CSPP1: variants seen among roughly 807,000 people sequenced by gnomAD.
The protein encoded by CSPP1 is centrosome and spindle pole-associated protein 1.
CSPP1 carries 126 observed loss-of-function variants against 164.4 expected under a neutral mutation model. The ratio of observed to expected loss-of-function variants is 0.77; its 90% CI spans 0.66 to 0.89. CSPP1 has a LOEUF of 0.89. Among genes scored for constraint, CSPP1 ranks in the 40% least tolerant of loss-of-function variants. CSPP1 has a pLI of 0.00. For synonymous variants in CSPP1, 472 were observed against 476.7 expected (o/e 0.99, Z 0.13); for missense variants, 1,395 against 1,449.8 (o/e 0.96, Z 0.61).
intron 21 of CSPP1, among the ~76,000 whole-genome samples, chr8:67,159,915 T>TTC (rs1827677332): frequency 3.1e-5 from 2 of 64,350 alleles, no homozygotes; most frequent in Non-Finnish European, 6.0e-5. Flanking sequence ...TTTCTTTCTT[T>TTC]CTTTCTTTCC....
At chr8:67,093,404 C>T in intron 5 of CSPP1, 139 bp from the exon 6 acceptor site, 2 of 578,368 alleles carry the variant, frequency 3.5e-6, no homozygotes, top group Non-Finnish European at 6.1e-6. Context: ...GACATCTGTC[C>T]TTGAAATTAT....
chr8:67,086,323 C>T, intron 4 of CSPP1: 1 of 599,890 alleles, frequency 1.7e-6, no homozygotes, highest in Non-Finnish European at 3.1e-6. Context: ...GACTTTTGAC[C>T]TTTTGACTAA....
intron 21 of CSPP1, among the ~76,000 whole-genome samples, chr8:67,159,856 CTTTCTTTCTTTCTTTCTTTCTTTCTT>C (rs1827506731): frequency 9.5e-5 from 2 of 21,092 alleles, no homozygotes. Context: ...CTTTCTTTTT[CTTTCTTTCTTTCTTTCTTTCTTTCTT>C]TCTTTCTTTC....
At chr8:67,143,165 A>G (rs576980584) in intron 17 of CSPP1, among the ~76,000 whole-genome samples, 1 of 151,992 alleles carries the variant, frequency 6.6e-6, no homozygotes, top group Admixed American at 6.5e-5. Context: ...GTCTCCTCCA[A>G]TCTGTGAAAT....
At chr8:67,144,308 T>G (rs1276422815) in intron 17 of CSPP1, among the ~76,000 whole-genome samples, 1 of 152,234 alleles carries the variant, frequency 6.6e-6, no homozygotes, top group African/African-American at 2.4e-5. Context: ...GTTGTAGAAT[T>G]TGATTTGCTA....
intron 29 of CSPP1, among the ~76,000 whole-genome samples, chr8:67,192,996 C>T (rs1248631577): frequency 6.6e-5 from 10 of 152,178 alleles, no homozygotes; most frequent in Admixed American, 6.5e-4. Flanking sequence ...ACTCCTTATC[C>T]TTGAGAGTCA....
chr8:67,132,042 C>A lies in CSPP1; in HGVS notation c.1789C>A (p.Gln597Lys). Reference sequence around the variant, plus strand: ...TGAAGATAAACCGAAACCTTCCAAACAGTCACTTCAGTCTTACCAAGAGGC... The same window carrying A: ...TGAAGATAAACCGAAACCTTCCAAAAAGTCACTTCAGTCTTACCAAGAGGC... ...IFEDKPKPSK[Q>K]SLQSYQEALQ... Residue 597 changes from glutamine (Q) to lysine (K), a missense_variant, in exon 16 of 31, where the codon CAG becomes AAG. Transcript: ENST00000678616. 6.2e-7 allele frequency: 1 copy of A among 1,613,620 alleles called. No individual in the cohort carries two copies. The highest frequency in any genetic ancestry group is 8.5e-7 in the Non-Finnish European group (1 of 1,179,766).
chr8:67,193,147 GTC>G (rs751106791), intron 29 of CSPP1, among the ~76,000 whole-genome samples: 11 of 152,160 alleles, frequency 7.2e-5, no homozygotes, highest in Admixed American at 2.0e-4. Flanking sequence ...TTGAGATAGA[GTC>G]TCTGTCTCCC....
In CSPP1 at chr8:67,164,441, C is replaced by A; in HGVS notation, c.2761C>A (p.Arg921Ser). 1 of 1,606,192 alleles carries A rather than the reference C, an allele frequency of 6.2e-7. No individual in the cohort carries two copies. The highest frequency in any genetic ancestry group is 8.5e-7 in the Non-Finnish European group (1 of 1,173,156). Reference protein sequence around the residue: ...MELSEMRKQLRSEERRLQERL... With the variant: ...MELSEMRKQLSSEERRLQERL... ...ATTATCAGAAATGAGAAAACAGCTT[C>A]GTAGTGAAGAGAGGCGTCTACAAGA... Residue 921 changes from arginine to serine, a missense_variant, in exon 24 of 31, where the codon CGT (arginine) becomes AGT (serine). Coordinates refer to ENST00000678616, the MANE Select transcript of CSPP1 (RefSeq NM_001382391.1).
intron 24 of CSPP1, among the ~76,000 whole-genome samples, chr8:67,167,465 C>T (rs1402396821): frequency 9.6e-5 from 14 of 146,390 alleles, no homozygotes; most frequent in South Asian, 4.3e-4. Context: ...CCGGATGGGG[C>T]GGCTGCTGGG....
intron 1 of CSPP1, among the ~76,000 whole-genome samples, chr8:67,070,542 G>A (rs1806530809): frequency 6.6e-6 from 1 of 151,232 alleles, no homozygotes; most frequent in African/African-American, 2.4e-5. Context: ...TGGCCAACAT[G>A]GAGGATCACT....
At chr8:67,169,994 G>A (rs114438362) in intron 24 of CSPP1, among the ~76,000 whole-genome samples, 8 of 151,986 alleles carry the variant, frequency 5.3e-5, no homozygotes, top group Non-Finnish European at 7.4e-5. Flanking sequence ...GCAATACGTC[G>A]GCTTCTCAAA....
At position 67,118,247 on chromosome 8, in the gene CSPP1, G is replaced by A; in HGVS notation, c.1497-1G>A. ...AATTTTTCATCTTTCTTTTCATACA[G>A]GATTGCACCTCTGCCTCCACCTCCC... On this transcript the variant is annotated splice_acceptor_variant, in intron 13 of 30. Coordinates refer to ENST00000678616, the MANE Select transcript of CSPP1 (RefSeq NM_001382391.1). LOFTEE classifies it high-confidence loss of function. 1 of 1,613,128 alleles carries A rather than the reference G, an allele frequency of 6.2e-7. No homozygotes were observed. The highest frequency in any genetic ancestry group is 1.7e-5 in the Admixed American group (1 of 59,966).
At chr8:67,181,322 G>A (rs1471337808) in intron 28 of CSPP1, among the ~76,000 whole-genome samples, 1 of 149,466 alleles carries the variant, frequency 6.7e-6, no homozygotes, top group Non-Finnish European at 1.5e-5. Flanking sequence ...ACAGGCATGA[G>A]CCACTGTACC....
rs1233480991 is a variant in CSPP1 at position 67,133,551 on chromosome 8, T to C, written c.1827+1471T>C. 4 of 152,254 alleles carry C rather than the reference T, an allele frequency of 2.6e-5. No homozygotes were observed. The East Asian group carries it at 5.8e-4, about 22-fold the overall frequency. The allele number at this position is 152,254 out of a possible 1,614,324, so 9.4% of individuals were successfully genotyped here. A position where few individuals can be genotyped will look rare whatever the true frequency, so the allele number is the denominator to read the frequency against. ...GCTAAAAAAATTTAGCAAATCATAA[T>C]CCTTTTGCTGGTGGAAAGTCTTGCC... On this transcript the variant is annotated intron_variant, in intron 16 of 30. Transcript: ENST00000678616.
At chr8:67,111,913 T>TC in intron 9 of CSPP1, 59 bp from the exon 10 acceptor site, 1 of 1,049,562 alleles carries the variant, frequency 9.5e-7, no homozygotes, top group African/African-American at 1.6e-5. Flanking sequence ...GGACTTAACT[T>TC]TCTAATTGCA....
chr8:67,084,497 A>G (rs142372809), intron 3 of CSPP1, among the ~76,000 whole-genome samples: 2 of 152,352 alleles, frequency 1.3e-5, no homozygotes, highest in East Asian at 3.9e-4. Flanking sequence ...GTGAGAAATA[A>G]GGCACAAAAT....
intron 6 of CSPP1, 67 bp from the exon 7 acceptor site, chr8:67,095,226 T>G: frequency 1.1e-6 from 1 of 936,756 alleles, no homozygotes; most frequent in Non-Finnish European, 1.6e-6. Context: ...AAATTGAGGG[T>G]TTAATTACCT....
intron 1 of CSPP1, among the ~76,000 whole-genome samples, chr8:67,069,663 T>C (rs1387604295): frequency 6.9e-6 from 1 of 143,964 alleles, no homozygotes; most frequent in Non-Finnish European, 1.5e-5. Flanking sequence ...CTTTTCTTTC[T>C]TTTTTTTTTT....
Sources: allele counts gnomAD v4.1 joint callset (sites outside exome capture counted in the v4.1 genomes callset), GRCh38; gene constraint gnomAD v4.1.1; transcripts MANE v1.5; gene names NCBI Gene and HGNC (gene_info 2026-07-23, HGNC 2026-07-21).